Variants in CFAP65 observed in about 807,000 individuals in gnomAD.
CFAP65 encodes cilia and flagella associated protein 65, also known as cilia- and flagella-associated protein 65.
Under a neutral mutation model 208.0 loss-of-function variants are expected in CFAP65, and 155 were observed. The observed-to-expected ratio is 0.75, with a 90% CI of 0.65 to 0.85. The LOEUF is 0.85. CFAP65 is among the 40% of genes least tolerant of loss of function. The pLI is 0.00. For missense variants in CFAP65, 2,294 were observed against 2,451.3 expected (o/e 0.94, Z 1.36); for synonymous variants, 970 against 986.3 (o/e 0.98, Z 0.31).
In CFAP65 at chr2:219,029,608, C is replaced by G. The variant is rs117885048; in HGVS notation, c.1445G>C (p.Arg482Pro). Residue 482 changes from arginine (R) to proline (P), a missense_variant, in exon 11 of 35, where the codon CGC becomes CCC. Physicochemically the swap from Arg to Pro is moderately radical, Grantham distance 103. This residue lies in a region of CFAP65 where 867 missense variants were observed against 1,012.6 expected (regional missense o/e 0.86). Transcript: ENST00000341552. Reference sequence around the variant, plus strand: ...CTCAATCCACAGGGGCTGCTCGGAGCGCTCCCCAAGGTTGACCCAGCTGAA... The same window carrying G: ...CTCAATCCACAGGGGCTGCTCGGAGGGCTCCCCAAGGTTGACCCAGCTGAA... ...VNFSWVNLGE[R>P]SEQPLWIENQ... 2.5e-6 allele frequency: 4 copies of G among 1,613,992 alleles called. No homozygotes were observed. The East Asian group carries it at 8.9e-5, about 36-fold the overall frequency.
At chr2:219,011,435 C>A (rs574552324) in intron 24 of CFAP65, among the ~76,000 whole-genome samples, 17 of 152,072 alleles carry the variant, frequency 1.1e-4, no homozygotes, top group Non-Finnish European at 2.2e-4. Flanking sequence ...CTACCACACA[C>A]AGCTGCTTCA....
Position 219,041,498 on chromosome 2 carries a change from T to C in CFAP65, c.-59A>G. 6.4e-7 allele frequency: 1 copy of C among 1,550,548 alleles called. No homozygotes were observed. Among genetic ancestry groups the C allele is most frequent in the South Asian group, 1.2e-5 (1 of 84,058 alleles). The stretch of plus-strand genomic sequence containing the variant: ...ACGCTCAGAACTTACATCGCCTCCA[T>C]ATTGCCGTCTCCATAGATACAGGAC... On this transcript the variant is annotated 5_prime_UTR_variant, in exon 1 of 35. The change creates a new upstream start codon in the 5' untranslated region. Coordinates refer to ENST00000341552, the MANE Select transcript of CFAP65 (RefSeq NM_194302.4).
At position 219,013,508 on chromosome 2, in the gene CFAP65, T is replaced by C; in HGVS notation, c.3846+11A>G. On this transcript the variant is annotated intron_variant, in intron 23 of 34. Coordinates refer to ENST00000341552, the MANE Select transcript of CFAP65 (RefSeq NM_194302.4). ...TGAAACTAGGGCAGGGCCAGTGTGC[T>C]GGGGCCTCACCAGGATCTCCCGGCC... 6.3e-7 allele frequency: 1 copy of C among 1,593,722 alleles called. No homozygotes were observed. Among genetic ancestry groups the C allele is most frequent in the Non-Finnish European group, 8.5e-7 (1 of 1,171,628 alleles).
At chr2:219,034,431 A>G (rs1381606040) in intron 5 of CFAP65, 1 of 152,240 alleles carries the variant, frequency 6.6e-6, no homozygotes, top group Non-Finnish European at 1.5e-5. Flanking sequence ...AGTCTTTAGA[A>G]GATACTAGAG....
chr2:219,014,146 T>A, intron 21 of CFAP65, 102 bp from the exon 22 acceptor site: 1 of 1,022,710 alleles, frequency 9.8e-7, no homozygotes, highest in Non-Finnish European at 1.4e-6. Context: ...CTTCCATGAC[T>A]CCCGCACTTC....
Position 219,027,793 on chromosome 2 carries a change from G to A in CFAP65, c.2068C>T (p.Arg690Ter), listed in dbSNP as rs531146350. The A allele has an allele frequency of 1.1e-5, 18 of 1,613,264 alleles. No homozygotes were observed. Among genetic ancestry groups the A allele is most frequent in the Non-Finnish European group, 1.4e-5 (16 of 1,179,522 alleles). The change falls in exon 13 of 35, where the codon CGA becomes TGA. Residue 690 changes from arginine (R) to a stop codon, truncating the protein, a stop_gained. Transcript: ENST00000341552. LOFTEE classifies it high-confidence loss of function. ...TKGKIMVVWT[R>*]RSDCPFWVTP... is the part of the protein sequence containing the mutation. Reference sequence around the variant, plus strand: ...ACCCAGAAGGGGCAGTCAGACCTTCGCGTCCAGACCACCATGATCTTGCCC... The same window carrying A: ...ACCCAGAAGGGGCAGTCAGACCTTCACGTCCAGACCACCATGATCTTGCCC...
Position 219,009,416 on chromosome 2 carries a change from C to G in CFAP65, c.4497G>C (p.Thr1499=). ...CCCTCAAGGTCACCACAAATGGGAC[C>G]GTCTCTTCAGGAGCCACCACCCCTA... The part of the protein sequence containing the change: ...PMIGVVAPEE[T]VPFVVTLRAS... Residue 1499 remains threonine (T), a synonymous_variant, in exon 28 of 35, where the codon ACG becomes ACC. Coordinates refer to ENST00000341552, the MANE Select transcript of CFAP65 (RefSeq NM_194302.4). 6.2e-7 allele frequency: 1 copy of G among 1,612,670 alleles called. No individual in the cohort carries two copies. The highest frequency in any genetic ancestry group is 1.1e-5 in the South Asian group (1 of 91,074).
Position 219,010,802 on chromosome 2 carries a change from C to G in CFAP65, c.4149+3G>C. 1 of 1,598,982 alleles carries G rather than the reference C, an allele frequency of 6.3e-7. No individual in the cohort carries two copies. Among genetic ancestry groups the G allele is most frequent in the Non-Finnish European group, 8.6e-7 (1 of 1,169,004 alleles). ...CTCCCACGTCATCCAGGTTGCTGCT[C>G]ACCGTGTAGGTCTTGGCCTCGATAG... is the stretch of plus-strand genomic sequence containing the variant. On this transcript the variant is annotated splice_donor_region_variant and intron_variant, in intron 25 of 34. Coordinates refer to ENST00000341552, the MANE Select transcript of CFAP65 (RefSeq NM_194302.4).
rs1391107323 is a variant in CFAP65 at position 219,038,378 on chromosome 2, G to T, written c.354C>A (p.Ala118=). The T allele has an allele frequency of 3.1e-6, 5 of 1,612,308 alleles. No individual in the cohort carries two copies. The highest frequency in any genetic ancestry group is 1.7e-5 in the Admixed American group (1 of 59,966). The part of the protein sequence containing the change: ...AAMSACSTIS[A]QPASSMDTQM... ...CCTGCCCTGGCTGTATCCTTACCTG[G>T]GCGCTGATGGTGCTGCAGGCACTCA... Residue 118 remains alanine, a synonymous_variant, in exon 4 of 35, where the codon GCC becomes GCA. Coordinates refer to ENST00000341552, the MANE Select transcript of CFAP65 (RefSeq NM_194302.4).
intron 13 of CFAP65, chr2:219,026,810 C>T: frequency 1.0e-6 from 1 of 986,164 alleles, no homozygotes; most frequent in Non-Finnish European, 1.2e-6. Flanking sequence ...ACAGGCTGAA[C>T]CTCAGCAGAG....
chr2:219,003,359 G>C lies in CFAP65; in HGVS notation c.5556-87C>G, dbSNP rs1945715795. ...CTGTCCGTGCGGTACATTGTGCCGC[G>C]AGCTCTACGGAGATTCCCATTCGAC... On this transcript the variant is annotated intron_variant, in intron 33 of 34. Coordinates refer to ENST00000341552, the MANE Select transcript of CFAP65 (RefSeq NM_194302.4). The surrounding 1 kb of genome is among the most constrained non-coding windows in gnomAD (Gnocchi z 4.4). 2.1e-6 allele frequency: 3 copies of C among 1,411,944 alleles called. No individual in the cohort carries two copies. The highest frequency in any genetic ancestry group is 9.3e-7 in the Non-Finnish European group (1 of 1,074,184). The allele number at this position is 1,411,944 out of a possible 1,614,324, so 87.5% of individuals were successfully genotyped here.
intron 8 of CFAP65, 125 bp from the exon 9 acceptor site, chr2:219,030,959 A>C: frequency 7.0e-7 from 1 of 1,438,776 alleles, no homozygotes. Flanking sequence ...TGGAAGACAA[A>C]AGGCAAAGCC....
Position 219,019,645 on chromosome 2 carries a change from C to A in CFAP65, c.3334G>T (p.Asp1112Tyr). ...TCAGCACTGCCCATGGAGCTGACAT[C>A]CAGGATGGAAAGCAAGGGGTACACG... is the stretch of plus-strand genomic sequence containing the variant. ...VAVYPLLSIL[D>Y]VSSMGSAEGI... The change falls in exon 20 of 35, where the codon GAT becomes TAT. Residue 1112 changes from aspartate to tyrosine, a missense_variant. By Grantham distance (160) the Asp-to-Tyr change is radical. Around this residue, in one of 2 missense-constraint regions of CFAP65, gnomAD observed 1,427 missense variants for 1,438.7 expected, o/e 0.99. Coordinates refer to ENST00000341552, the MANE Select transcript of CFAP65 (RefSeq NM_194302.4). 6.2e-7 allele frequency: 1 copy of A among 1,613,820 alleles called. No individual in the cohort carries two copies.
At position 219,004,963 on chromosome 2, in the gene CFAP65, C is replaced by CTCTCTT. The variant is rs1559112246; in HGVS notation, c.5051+470_5051+471insAAGAGA. Reference sequence around the variant, plus strand: ...TCTTTCTTTCTTTCTTTCTTTCTCTCTCTTTCTTTCTTTCTCTCTTTCTGT... The same window carrying CTCTCTT: ...TCTTTCTTTCTTTCTTTCTTTCTCTCTCTCTTTCTTTCTTTCTTTCTCTCTTTCTGT... On this transcript the variant is annotated intron_variant, in intron 32 of 34. Transcript: ENST00000341552. The surrounding 1 kb of genome is among the most constrained non-coding windows in gnomAD (Gnocchi z 4.7). 6.1e-4 allele frequency among the ~76,000 whole-genome samples: 85 copies of CTCTCTT among 140,098 alleles called. No homozygotes were observed. The highest frequency in any genetic ancestry group is 2.5e-3 in the African/African-American group (83 of 32,754). The allele number at this position is 140,098 out of a possible 152,430, so 91.9% of individuals were successfully genotyped here. A position where few individuals can be genotyped will look rare whatever the true frequency, so the allele number is the denominator to read the frequency against.
chr2:219,012,911 T>C (rs1330705467), intron 24 of CFAP65, among the ~76,000 whole-genome samples: 1 of 152,252 alleles, frequency 6.6e-6, no homozygotes, highest in African/African-American at 2.4e-5. Context: ...AATTCTACTT[T>C]GGTTGTATGT....
At chr2:219,013,798 A>T in intron 22 of CFAP65, 70 bp downstream of exon 22, 7 of 1,428,092 alleles carry the variant, frequency 4.9e-6, no homozygotes, top group Non-Finnish European at 6.7e-6. Context: ...CCCTGGAGTC[A>T]TACAATGAAA....
intron 21 of CFAP65, 26 bp downstream of exon 21, chr2:219,019,025 C>T: frequency 3.1e-6 from 5 of 1,613,974 alleles, no homozygotes; most frequent in Non-Finnish European, 3.4e-6. Context: ...CTCCCAGGCC[C>T]CCCAGTGGCC....
chr2:219,004,113 C>T lies in CFAP65; in HGVS notation c.5394G>A (p.Lys1798=), dbSNP rs1450360460. Residue 1798 remains lysine, a synonymous_variant, in exon 33 of 35, where the codon AAG becomes AAA. Transcript: ENST00000341552. The surrounding 1 kb of genome is among the most constrained non-coding windows in gnomAD (Gnocchi z 4.7). ...CTTCCTTCTCATCCCTCTCCTCCTC[C>T]TTCTCCTCTATCTCCTCCTTGCCCA... ...EELGKEEIEE[K]EEERDEKEEK... 7 of 1,613,952 alleles carry T rather than the reference C, an allele frequency of 4.3e-6. No homozygotes were observed. The highest frequency in any genetic ancestry group is 5.9e-6 in the Non-Finnish European group (7 of 1,180,012).
intron 17 of CFAP65, 51 bp downstream of exon 17, chr2:219,022,120 C>A: frequency 1.3e-6 from 2 of 1,518,484 alleles, no homozygotes; most frequent in South Asian, 2.6e-5. Context: ...TTCCCTCCCA[C>A]CTGTCCGGGC....
Sources: gnomAD v4.1 joint callset for allele counts (sites outside exome capture counted in the v4.1 genomes callset) on GRCh38, gnomAD v4.1.1 for gene constraint, gnomAD v4.1.1 regional missense constraint, Gnocchi (gnomAD v3.1) non-coding constraint, MANE v1.5 for transcripts, NCBI Gene and HGNC (gene_info 2026-07-23, HGNC 2026-07-21) for gene names.